HPSE2: variants seen among roughly 807,000 people sequenced by gnomAD.
The protein encoded by HPSE2 is inactive heparanase-2.
In HPSE2, 38 loss-of-function variants were observed where a neutral mutation model predicts 60.5. The ratio of observed to expected loss-of-function variants is 0.63; its 90% CI spans 0.48 to 0.82. The LOEUF is 0.82. HPSE2 is among the 40% of genes least tolerant of loss of function. HPSE2 has a pLI of 0.00. For synonymous variants in HPSE2, 295 were observed against 293.2 expected (o/e 1.01, Z -0.06); for missense variants, 713 against 740.4 (o/e 0.96, Z 0.43).
At chr10:99,315,916 G>A in the HPSE2 span, among the ~76,000 whole-genome samples, 1 of 152,170 alleles carries the variant, frequency 6.6e-6, no homozygotes, top group Non-Finnish European at 1.5e-5. Flanking sequence ...TCCTCAAAGA[G>A]GGGGATGCTC....
At chr10:98,986,500 G>A (rs373858826) in intron 3 of HPSE2, among the ~76,000 whole-genome samples, 1 of 150,836 alleles carries the variant, frequency 6.6e-6, no homozygotes, top group African/African-American at 2.4e-5. Flanking sequence ...GCAGTGTGTA[G>A]AGGGAAATTT....
chr10:99,305,104 A>C, the HPSE2 span, among the ~76,000 whole-genome samples: 15 of 152,228 alleles, frequency 9.9e-5, no homozygotes, highest in Non-Finnish European at 1.0e-4. Flanking sequence ...GAGAATCCAC[A>C]CTTGTCAGAA....
chr10:99,181,397 CAAAAAA>C (rs58049545), intron 2 of HPSE2, among the ~76,000 whole-genome samples: 25 of 104,766 alleles, frequency 2.4e-4, no homozygotes, highest in East Asian at 1.3e-3. Flanking sequence ...GACTCCGTCT[CAAAAAA>C]AAAAAAAAAA....
At chr10:99,138,917 C>T (rs900164602) in intron 3 of HPSE2, among the ~76,000 whole-genome samples, 8 of 152,018 alleles carry the variant, frequency 5.3e-5, no homozygotes, top group African/African-American at 1.9e-4. Context: ...GGTATGCAAT[C>T]CAACAATCTC....
At chr10:98,999,218 AAG>A (rs750899521) in intron 3 of HPSE2, among the ~76,000 whole-genome samples, 3 of 148,528 alleles carry the variant, frequency 2.0e-5, no homozygotes, top group South Asian at 2.1e-4. Context: ...AAGAGAGAAA[AAG>A]AGAGATCAGA....
intron 3 of HPSE2, among the ~76,000 whole-genome samples, chr10:99,035,968 T>C (rs745461060): frequency 3.5e-4 from 53 of 152,116 alleles, no homozygotes; most frequent in Middle Eastern, 3.2e-3. Flanking sequence ...TCCCAGCACA[T>C]TGGAAGGCCA....
intron 3 of HPSE2, among the ~76,000 whole-genome samples, chr10:98,802,896 ACT>A (rs1456547713): frequency 2.0e-5 from 3 of 146,886 alleles, no homozygotes; most frequent in Non-Finnish European, 4.5e-5. Context: ...GAATCGCCAC[ACT>A]GACTTCCACA....
chr10:99,056,553 T>A (rs951994583), intron 3 of HPSE2, among the ~76,000 whole-genome samples: 27 of 152,068 alleles, frequency 1.8e-4, no homozygotes, highest in African/African-American at 6.5e-4. Flanking sequence ...CTGGGAAGGG[T>A]GGTCTTTTCA....
chr10:99,170,797 G>A (rs1269948258), intron 2 of HPSE2, among the ~76,000 whole-genome samples: 3 of 152,154 alleles, frequency 2.0e-5, no homozygotes, highest in South Asian at 4.1e-4. Context: ...AGTACAGTCC[G>A]CCCTCTGTAT....
At chr10:99,084,944 C>T (rs565454079) in intron 3 of HPSE2, among the ~76,000 whole-genome samples, 5 of 152,342 alleles carry the variant, frequency 3.3e-5, no homozygotes, top group East Asian at 1.9e-4. Context: ...AATTTACATA[C>T]GTCACACCTC....
intron 3 of HPSE2, among the ~76,000 whole-genome samples, chr10:99,101,568 T>C (rs566465007): frequency 1.3e-5 from 2 of 151,288 alleles, no homozygotes; most frequent in Non-Finnish European, 3.0e-5. Context: ...CTGTCAACAT[T>C]AGATCAACAA....
chr10:99,263,358 T>C, the HPSE2 span, among the ~76,000 whole-genome samples: 57 of 152,346 alleles, frequency 3.7e-4, 1 homozygote, highest in East Asian at 4.4e-3. Context: ...AAGGACTACA[T>C]GTCAATATTT....
intron 3 of HPSE2, among the ~76,000 whole-genome samples, chr10:99,102,465 G>A: frequency 6.6e-6 from 1 of 152,066 alleles, no homozygotes; most frequent in Non-Finnish European, 1.5e-5. Flanking sequence ...ACCAATAACA[G>A]GCTCTGAAAT....
intron 3 of HPSE2, among the ~76,000 whole-genome samples, chr10:98,744,394 G>A (rs911167612): frequency 5.3e-5 from 8 of 152,158 alleles, no homozygotes; most frequent in Admixed American, 1.3e-4. Flanking sequence ...GGGCGTGGTG[G>A]TGTATGCCTG....
chr10:98,947,248 T>C (rs1276934192), intron 3 of HPSE2, among the ~76,000 whole-genome samples: 4 of 152,164 alleles, frequency 2.6e-5, no homozygotes, highest in Admixed American at 6.6e-5. Flanking sequence ...TTTTGCAAAA[T>C]ACCTTCTTAT....
rs80051396 is a variant in HPSE2, at chr10:98,667,229, G to A, written c.1005-25289C>T. 1.1e-3 allele frequency among the ~76,000 whole-genome samples: 166 copies of A among 152,140 alleles called. 5 individuals are homozygous for A. In the East Asian group the frequency reaches 0.031, roughly 28 times the overall value. ...ACAACCTCTCAAGATTGAACCAGGA[G>A]GAAAGTGAAAGCCTGAACAGAACAA... On this transcript the variant is annotated intron_variant, in intron 6 of 11. Transcript: ENST00000370552.
Position 98,459,623 on chromosome 10 carries a change from C to T in HPSE2, c.1730G>A (p.Gly577Asp). The change falls in exon 12 of 12, where the codon GGC becomes GAC. Residue 577 changes from glycine (G) to aspartate (D), a missense_variant. Gly to Asp is a moderately conservative substitution (Grantham distance 94, BLOSUM62 -1). Coordinates refer to ENST00000370552, the MANE Select transcript of HPSE2 (RefSeq NM_021828.5). ...RTLVIPPVTMGFYVVKNVNAL... is the reference protein window; with the variant it reads ...RTLVIPPVTMDFYVVKNVNAL... Reference sequence around the variant, plus strand: ...ATTGACATTCTTGACCACATAAAAGCCCATGGTGACTGGAGGGATGACCAA... The same window carrying T: ...ATTGACATTCTTGACCACATAAAAGTCCATGGTGACTGGAGGGATGACCAA... The T allele has an allele frequency of 6.2e-7, 1 of 1,614,132 alleles. No individual in the cohort carries two copies. Among genetic ancestry groups the T allele is most frequent in the Non-Finnish European group, 8.5e-7 (1 of 1,180,014 alleles).
intron 9 of HPSE2, among the ~76,000 whole-genome samples, chr10:98,591,535 C>T (rs939964051): frequency 2.0e-5 from 3 of 152,108 alleles, no homozygotes; most frequent in East Asian, 1.9e-4. Context: ...TGGTAGTGTG[C>T]GCCCATAATC....
At chr10:98,853,593 T>C (rs543390352) in intron 3 of HPSE2, among the ~76,000 whole-genome samples, 4 of 152,270 alleles carry the variant, frequency 2.6e-5, no homozygotes, top group Admixed American at 6.5e-5. Flanking sequence ...GGTGGCATGA[T>C]TTAGAATAAA....
Sources: allele counts gnomAD v4.1 joint callset (sites outside exome capture counted in the v4.1 genomes callset), GRCh38; gene constraint gnomAD v4.1.1; transcripts MANE v1.5; gene names NCBI Gene and HGNC (gene_info 2026-07-23, HGNC 2026-07-21).